Variants in ARIH2 observed in about 807,000 individuals in gnomAD.
ARIH2 encodes the protein ariadne RBR E3 ubiquitin protein ligase 2.
A neutral mutation model predicts 79.8 loss-of-function variants in ARIH2; 12 were observed. That is an observed-to-expected ratio of 0.15 (90% CI 0.10 to 0.24). The LOEUF is 0.24. ARIH2 is among the 10% of genes least tolerant of loss of function. The pLI, the probability that ARIH2 is intolerant of heterozygous loss-of-function variation, is 1.00. For missense variants in ARIH2, 301 were observed against 618.3 expected, an observed-to-expected ratio of 0.49 and a Z score of 5.44; for synonymous variants, 224 against 213.9, an observed-to-expected ratio of 1.05 and a Z score of -0.41.
chr3:48,931,504 G>C (rs189632207), intron 3 of ARIH2, among the ~76,000 whole-genome samples: 1 of 151,110 alleles, frequency 6.6e-6, no homozygotes, highest in Non-Finnish European at 1.5e-5. Flanking sequence ...AGATGAGATC[G>C]CACCACTGCA....
chr3:48,937,620 T>A (rs1181540050), intron 3 of ARIH2, among the ~76,000 whole-genome samples: 2 of 152,196 alleles, frequency 1.3e-5, no homozygotes, highest in Admixed American at 6.5e-5. Context: ...TTTTAATATG[T>A]CTAAGCCCAG....
intron 3 of ARIH2, chr3:48,934,258 A>C: frequency 5.4e-6 from 3 of 555,384 alleles, no homozygotes; most frequent in Non-Finnish European, 6.9e-6. Flanking sequence ...TATTTTAGCC[A>C]TTTTCTTAAT....
At chr3:48,941,944 G>A (rs2088340601) in intron 3 of ARIH2, among the ~76,000 whole-genome samples, 1 of 151,264 alleles carries the variant, frequency 6.6e-6, no homozygotes, top group South Asian at 2.1e-4. Flanking sequence ...AGAATGCAGT[G>A]GCATGATCTT....
Position 48,968,747 on chromosome 3 carries a change from C to T in ARIH2, c.660+92C>T. 2.0e-6 allele frequency: 3 copies of T among 1,509,712 alleles called. No individual in the cohort carries two copies. In the South Asian group the frequency reaches 3.6e-5, roughly 18 times the overall value. The allele number at this position is 1,509,712 out of a possible 1,614,324, so 93.5% of individuals were successfully genotyped here. Reference sequence around the variant, plus strand: ...TTACTTACTTTGTAGACTAGGCTGACATTAAGTGATAGTGTTCAAAGAAAG... The same window carrying T: ...TTACTTACTTTGTAGACTAGGCTGATATTAAGTGATAGTGTTCAAAGAAAG... On this transcript the variant is annotated intron_variant, in intron 7 of 15. Coordinates refer to ENST00000356401, the MANE Select transcript of ARIH2 (RefSeq NM_006321.4).
intron 2 of ARIH2, among the ~76,000 whole-genome samples, chr3:48,923,035 G>A (rs974497943): frequency 3.9e-5 from 6 of 152,078 alleles, no homozygotes; most frequent in Middle Eastern, 6.8e-3. Context: ...GTGAAACCCC[G>A]TCTCTACTGA....
chr3:48,955,571 C>A (rs181073283), intron 3 of ARIH2, among the ~76,000 whole-genome samples: 3 of 152,236 alleles, frequency 2.0e-5, no homozygotes, highest in Admixed American at 2.0e-4. Context: ...GTGAAGGACT[C>A]AGTTATGAAA....
chr3:48,940,657 T>G (rs2087987090), intron 3 of ARIH2, among the ~76,000 whole-genome samples: 1 of 151,540 alleles, frequency 6.6e-6, no homozygotes, highest in African/African-American at 2.4e-5. Context: ...TAGTCAGGCA[T>G]GGTGGCGCGT....
At chr3:48,955,730 A>G (rs1011751508) in intron 3 of ARIH2, among the ~76,000 whole-genome samples, 1 of 152,170 alleles carries the variant, frequency 6.6e-6, no homozygotes, top group Non-Finnish European at 1.5e-5. Context: ...ATTGTTTAGA[A>G]GATTTGTTTT....
Position 48,967,142 on chromosome 3 carries a change from C to T in ARIH2, c.405C>T (p.Pro135=), listed in dbSNP as rs750417459. The T allele has an allele frequency of 7.4e-6, 12 of 1,613,946 alleles. No individual in the cohort carries two copies. In the Admixed American group the frequency reaches 2.0e-4, roughly 27 times the overall value. Residue 135 remains proline, a synonymous_variant, in exon 6 of 16, where the codon CCC becomes CCT. Coordinates refer to ENST00000356401, the MANE Select transcript of ARIH2 (RefSeq NM_006321.4). Reference sequence around the variant, plus strand: ...CTCTCCAGGTTCCCACATCCCATCCCCCTCACCACTGTGCAGTGTGTATGC... The same window carrying T: ...CTCTCCAGGTTCCCACATCCCATCCTCCTCACCACTGTGCAGTGTGTATGC... The part of the protein sequence containing the change: ...NPSKHVPTSH[P]PHHCAVCMQF...
In ARIH2 at chr3:48,983,180, C is replaced by T. The variant is rs1428474867; in HGVS notation, c.1411-19C>T. 7 of 1,614,126 alleles carry T rather than the reference C, an allele frequency of 4.3e-6. No homozygotes were observed. Among genetic ancestry groups the T allele is most frequent in the Non-Finnish European group, 5.1e-6 (6 of 1,179,966 alleles). ...CAGGCCTGGGCCATGCAAGCACACA[C>T]CTTGTTTCTCTGATGCAGGACTTGG... is the stretch of plus-strand genomic sequence containing the variant. On this transcript the variant is annotated intron_variant, in intron 15 of 15. Coordinates refer to ENST00000356401, the MANE Select transcript of ARIH2 (RefSeq NM_006321.4).
At chr3:48,970,734 C>T (rs753909306) in intron 8 of ARIH2, 30 bp downstream of exon 8, 1 of 1,541,354 alleles carries the variant, frequency 6.5e-7, no homozygotes, top group South Asian at 1.1e-5. Context: ...CTGAGCAGCC[C>T]TGGGCTCATG....
intron 2 of ARIH2, among the ~76,000 whole-genome samples, chr3:48,923,902 C>T (rs925198960): frequency 1.3e-5 from 2 of 152,106 alleles, no homozygotes; most frequent in African/African-American, 2.4e-5. Flanking sequence ...GTAAGGCCAA[C>T]GCAGGAGGAT....
At chr3:48,921,464 T>C (rs1263965943) in intron 1 of ARIH2, 18 of 139,928 alleles carry the variant, frequency 1.3e-4, no homozygotes, top group African/African-American at 4.8e-4. Flanking sequence ...ACACGGAGTC[T>C]CACTGTGTTG....
chr3:48,938,461 C>CA (rs201108004), intron 3 of ARIH2, among the ~76,000 whole-genome samples: 519 of 146,274 alleles, frequency 3.5e-3, no homozygotes, highest in Non-Finnish European at 5.0e-3. Context: ...TGATAAACCT[C>CA]AAAAAAAAAA....
At chr3:48,964,318 A>T (rs1375896647) in intron 4 of ARIH2, among the ~76,000 whole-genome samples, 3 of 136,856 alleles carry the variant, frequency 2.2e-5, no homozygotes, top group African/African-American at 5.4e-5. Context: ...TATATATAGA[A>T]TTTTTTTTTT....
chr3:48,940,050 C>G (rs2087850000), intron 3 of ARIH2, among the ~76,000 whole-genome samples: 1 of 151,116 alleles, frequency 6.6e-6, no homozygotes, highest in Non-Finnish European at 1.5e-5. Context: ...ACTAAAAATA[C>G]AAAAAATTAG....
At chr3:48,972,962 A>T (rs183642949) in intron 8 of ARIH2, among the ~76,000 whole-genome samples, 10 of 152,256 alleles carry the variant, frequency 6.6e-5, no homozygotes, top group African/African-American at 2.2e-4. Context: ...CAGTCCTCCC[A>T]TCTCAACCTT....
intron 11 of ARIH2, among the ~76,000 whole-genome samples, 171 bp from the exon 12 acceptor site, chr3:48,979,311 A>AG (rs2092668750): frequency 6.6e-6 from 1 of 152,238 alleles, no homozygotes; most frequent in Non-Finnish European, 1.5e-5. Context: ...CAAGGACAGT[A>AG]GGATGTGACA....
chr3:48,975,305 A>G (rs893969005), intron 11 of ARIH2, among the ~76,000 whole-genome samples: 7 of 152,176 alleles, frequency 4.6e-5, no homozygotes, highest in Non-Finnish European at 8.8e-5. Flanking sequence ...CTTGGGGCTT[A>G]TCTGTGCTAC....
Sources: allele counts gnomAD v4.1 joint callset (sites outside exome capture counted in the v4.1 genomes callset), GRCh38; gene constraint gnomAD v4.1.1; transcripts MANE v1.5; gene names NCBI Gene and HGNC (gene_info 2026-07-23, HGNC 2026-07-21).